The following CALCR variants were observed in gnomAD, a reference collection of about 807,000 sequenced individuals.
CALCR encodes calcitonin receptor.
Under a neutral mutation model 59.5 loss-of-function variants are expected in CALCR, and 47 were observed. That is an observed-to-expected ratio of 0.79 (90% CI 0.63 to 1.01). The LOEUF (loss-of-function observed/expected upper bound fraction) is 1.01. Ranked by LOEUF, CALCR falls within the 50% of genes least tolerant of loss-of-function variation. The probability of loss-of-function intolerance (pLI) is 0.00; values close to 1 mark genes in which losing one functional copy is unlikely to be tolerated. For missense variants in CALCR, 566 were observed against 597.1 expected, an observed-to-expected ratio of 0.95 and a Z score of 0.54; for synonymous variants, 213 against 211.3, an observed-to-expected ratio of 1.01 and a Z score of -0.07.
intron 13 of CALCR, among the ~76,000 whole-genome samples, chr7:93,427,700 T>C (rs1799559959): frequency 6.6e-6 from 1 of 152,182 alleles, no homozygotes; most frequent in South Asian, 2.1e-4. Flanking sequence ...ATTAATGTTA[T>C]AAAACTATAT....
chr7:93,539,751 G>A (rs1221076455), intron 2 of CALCR, among the ~76,000 whole-genome samples: 1 of 152,174 alleles, frequency 6.6e-6, no homozygotes, highest in Admixed American at 6.6e-5. Context: ...GGCAAAGGCT[G>A]TGATGGAAAG....
intron 13 of CALCR, among the ~76,000 whole-genome samples, chr7:93,430,422 T>G (rs1328713352): frequency 6.6e-6 from 1 of 152,234 alleles, no homozygotes; most frequent in African/African-American, 2.4e-5. Context: ...GCTCTATAAT[T>G]TGAGTTGAGT....
intron 5 of CALCR, among the ~76,000 whole-genome samples, chr7:93,477,037 A>G (rs763465864): frequency 1.3e-4 from 19 of 151,848 alleles, no homozygotes; most frequent in Non-Finnish European, 2.2e-4. Context: ...GAAGCACAAA[A>G]AGCATTTTTC....
At chr7:93,435,660 G>C (rs1197743798) in intron 12 of CALCR, among the ~76,000 whole-genome samples, 1 of 151,890 alleles carries the variant, frequency 6.6e-6, no homozygotes, top group African/African-American at 2.4e-5. Flanking sequence ...ACAAAAATTA[G>C]CCAGGCGTGG....
chr7:93,452,635 G>A (rs1424321644), intron 8 of CALCR, among the ~76,000 whole-genome samples: 4 of 151,984 alleles, frequency 2.6e-5, no homozygotes, highest in Admixed American at 1.3e-4. Flanking sequence ...ATGAGTTTGA[G>A]TTTATGGAAC....
chr7:93,554,647 T>C (rs888226891), intron 2 of CALCR, among the ~76,000 whole-genome samples: 1 of 151,580 alleles, frequency 6.6e-6, no homozygotes, highest in Admixed American at 6.6e-5. Context: ...TAAGACCCAT[T>C]AGCAGGCTTA....
intron 2 of CALCR, among the ~76,000 whole-genome samples, chr7:93,548,872 G>GTGTGTGTC (rs1194090598): frequency 1.3e-5 from 1 of 78,890 alleles, no homozygotes; most frequent in South Asian, 5.5e-4. Flanking sequence ...GTGTGTGTGT[G>GTGTGTGTC]TGTGTGTCTG....
intron 2 of CALCR, among the ~76,000 whole-genome samples, chr7:93,570,794 T>C (rs1789984860): frequency 6.6e-6 from 1 of 152,186 alleles, no homozygotes; most frequent in African/African-American, 2.4e-5. Flanking sequence ...CATTTTTCTG[T>C]ATCCTGTGAT....
chr7:93,467,647 A>G (rs1442100560), intron 7 of CALCR, among the ~76,000 whole-genome samples: 2 of 151,604 alleles, frequency 1.3e-5, no homozygotes, highest in African/African-American at 4.8e-5. Flanking sequence ...TGATAAATGC[A>G]TATATATTCT....
intron 2 of CALCR, among the ~76,000 whole-genome samples, chr7:93,573,205 A>G (rs562932629): frequency 1.3e-5 from 2 of 152,354 alleles, no homozygotes; most frequent in South Asian, 2.1e-4. Flanking sequence ...TATAAATTCC[A>G]TAATACTAAA....
At chr7:93,539,188 T>C (rs1005558809) in intron 2 of CALCR, among the ~76,000 whole-genome samples, 4 of 152,148 alleles carry the variant, frequency 2.6e-5, no homozygotes, top group Non-Finnish European at 4.4e-5. Flanking sequence ...ATTTATGAAA[T>C]CCCAATCACT....
chr7:93,444,148 C>G (rs1376809560), intron 8 of CALCR, among the ~76,000 whole-genome samples: 1 of 152,150 alleles, frequency 6.6e-6, no homozygotes, highest in Admixed American at 6.5e-5. Flanking sequence ...ATTTTTAATG[C>G]TGCTTCTGAA....
intron 13 of CALCR, among the ~76,000 whole-genome samples, chr7:93,429,930 G>GTTT (rs1491050136): frequency 2.8e-5 from 3 of 105,360 alleles, no homozygotes; most frequent in Admixed American, 1.2e-4. Context: ...TTTTTTGTTT[G>GTTT]TTTGTTTTTT....
At chr7:93,535,448 A>C (rs57316199) in intron 2 of CALCR, among the ~76,000 whole-genome samples, 1,558 of 151,818 alleles carry the variant, frequency 0.01, 20 homozygotes, top group African/African-American at 0.035. Context: ...TTTAGCACTT[A>C]AGCACACCTT....
chr7:93,478,553 G>A (rs1800720616), intron 4 of CALCR, among the ~76,000 whole-genome samples: 1 of 151,610 alleles, frequency 6.6e-6, no homozygotes, highest in Non-Finnish European at 1.5e-5. Flanking sequence ...TGCTGGGCAT[G>A]GTGGCATGCA....
chr7:93,476,397 T>C (rs2115874010), intron 5 of CALCR, among the ~76,000 whole-genome samples: 1 of 151,954 alleles, frequency 6.6e-6, no homozygotes, highest in Non-Finnish European at 1.5e-5. Context: ...TTTAGGTCAA[T>C]AAGAAAATCC....
chr7:93,521,338 C>G (rs1801759903), intron 2 of CALCR, among the ~76,000 whole-genome samples: 1 of 152,096 alleles, frequency 6.6e-6, no homozygotes, highest in Non-Finnish European at 1.5e-5. Flanking sequence ...AGTTGGCCAC[C>G]TCTTCTATGC....
At chr7:93,448,639 A>G (rs1800050557) in intron 8 of CALCR, among the ~76,000 whole-genome samples, 1 of 152,004 alleles carries the variant, frequency 6.6e-6, no homozygotes, top group South Asian at 2.1e-4. Flanking sequence ...CTATTTTAAG[A>G]CAGTTAAAAA....
chr7:93,543,477 G>T (rs1331593354), intron 2 of CALCR, among the ~76,000 whole-genome samples: 4 of 152,112 alleles, frequency 2.6e-5, no homozygotes, highest in Non-Finnish European at 5.9e-5. Context: ...AACTGGCAGT[G>T]CAGTAGGTTC....
Sources: allele counts gnomAD v4.1 joint callset (sites outside exome capture counted in the v4.1 genomes callset), GRCh38; gene constraint gnomAD v4.1.1; transcripts MANE v1.5; gene names NCBI Gene and HGNC (gene_info 2026-07-23, HGNC 2026-07-21).